SLC10A1: variants seen among roughly 807,000 people sequenced by gnomAD.
SLC10A1 encodes the protein solute carrier family 10 member 1, also known as hepatic sodium/bile acid cotransporter.
SLC10A1 carries 36 observed loss-of-function variants against 20.5 expected under a neutral mutation model. That is an observed-to-expected ratio of 1.75 (90% confidence interval 1.34 to 2.32). SLC10A1 has a LOEUF of 2.32. SLC10A1 is among the 30% of genes most tolerant of loss of function. The pLI, the probability that SLC10A1 is intolerant of heterozygous loss-of-function variation, is 0.00. For synonymous variants in SLC10A1, 188 were observed against 163.6 expected (o/e 1.15, Z -1.14); for missense variants, 545 against 439.1 (o/e 1.24, Z -2.16).
chr14:69,796,879 T>A lies in SLC10A1; in HGVS notation c.277A>T (p.Ile93Phe). ...FRLKNIEALA[I>F]LVCGCSPGGN... Reference sequence around the variant, plus strand: ...CCAGGTGAGCAGCCACAGACCAAGATGGCCAGTGCCTCAATGTTCTTCAGC... The same window carrying A: ...CCAGGTGAGCAGCCACAGACCAAGAAGGCCAGTGCCTCAATGTTCTTCAGC... The change falls in exon 1 of 5, where the codon ATC (isoleucine) becomes TTC (phenylalanine). Residue 93 changes from isoleucine to phenylalanine, a missense_variant. By Grantham distance (21) the Ile-to-Phe change is conservative. Transcript: ENST00000216540. 1 of 1,614,228 alleles carries A rather than the reference T, an allele frequency of 6.2e-7. No homozygotes were observed. Among genetic ancestry groups the A allele is most frequent in the African/African-American group, 1.3e-5 (1 of 75,064 alleles).
chr14:69,786,176 AG>A lies in SLC10A1; in HGVS notation c.487del (p.Leu163TrpfsTer10), dbSNP rs1172279960. 1 of 1,614,140 alleles carries A rather than the reference AG, an allele frequency of 6.2e-7. No individual in the cohort carries two copies. The highest frequency in any genetic ancestry group is 1.7e-5 in the Admixed American group (1 of 60,014). On this transcript the variant is annotated frameshift_variant, in exon 2 of 5. Transcript: ENST00000216540. LOFTEE classifies it high-confidence loss of function. ...KVPYKGIVIS[L>X]VLVLIPCTIG... ...GGTGCAAGGAATGAGAACCAGGACC[AG>A]TGATATCACGATGCCTTTATAGGGC...
At chr14:69,780,063 A>G (rs925016508) in intron 2 of SLC10A1, among the ~76,000 whole-genome samples, 1 of 152,222 alleles carries the variant, frequency 6.6e-6, no homozygotes, top group African/African-American at 2.4e-5. Context: ...TACGGTTTTA[A>G]ACCCAAAATG....
intron 1 of SLC10A1, among the ~76,000 whole-genome samples, chr14:69,786,694 C>G (rs1011992231): frequency 1.3e-5 from 2 of 152,198 alleles, no homozygotes; most frequent in Non-Finnish European, 2.9e-5. Context: ...CTGTGTGATT[C>G]CATTACTCTG....
intron 2 of SLC10A1, among the ~76,000 whole-genome samples, chr14:69,780,250 C>G (rs1369178454): frequency 6.6e-6 from 1 of 152,188 alleles, no homozygotes; most frequent in East Asian, 1.9e-4. Context: ...TAGGATGCAA[C>G]CTTTCAAAGT....
rs200696891 is a variant in SLC10A1, at chr14:69,776,165, A to C, written c.*117T>G. On this transcript the variant is annotated 3_prime_UTR_variant, in exon 5 of 5. Transcript: ENST00000216540. ...AAGACTTGATGATTCTGATAGATGT[A>C]CTGGAAATGCTGGAGAAAGACTCAG... 6.8e-6 allele frequency: 5 copies of C among 730,996 alleles called. No homozygotes were observed. The highest frequency in any genetic ancestry group is 1.2e-5 in the Non-Finnish European group (5 of 422,008). The allele number at this position is 730,996 out of a possible 1,614,324, so 45.3% of individuals were successfully genotyped here.
intron 2 of SLC10A1, among the ~76,000 whole-genome samples, chr14:69,781,741 T>C (rs928099446): frequency 2.6e-5 from 4 of 152,220 alleles, no homozygotes; most frequent in Non-Finnish European, 5.9e-5. Context: ...TCATCACCCT[T>C]TTAGCCACAT....
In SLC10A1 at chr14:69,779,274, C is replaced by T. The variant is rs1883530419; in HGVS notation, c.654G>A (p.Met218Ile). 1 of 1,613,790 alleles carries T rather than the reference C, an allele frequency of 6.2e-7. No individual in the cohort carries two copies. Among genetic ancestry groups the T allele is most frequent in the Non-Finnish European group, 8.5e-7 (1 of 1,179,950 alleles). The change falls in exon 3 of 5, where the codon ATG (methionine) becomes ATA (isoleucine). Residue 218 changes from methionine (M) to isoleucine (I), a missense_variant. Coordinates refer to ENST00000216540, the MANE Select transcript of SLC10A1 (RefSeq NM_003049.4). ...AGGAGGTGGCAATCAAGAGTGGTGT[C>T]ATGGCAAACATGATGCTCTTCCCCA... is the stretch of plus-strand genomic sequence containing the variant. ...INVGKSIMFA[M>I]TPLLIATSSL...
chr14:69,786,042 G>T, intron 2 of SLC10A1, 55 bp downstream of exon 2: 1 of 1,214,542 alleles, frequency 8.2e-7, no homozygotes, highest in Non-Finnish European at 1.2e-6. Context: ...TCTTATAGTT[G>T]TATATGGTGT....
chr14:69,777,817 C>T (rs1030523452), intron 4 of SLC10A1, among the ~76,000 whole-genome samples: 6 of 150,582 alleles, frequency 4.0e-5, no homozygotes, highest in Non-Finnish European at 7.4e-5. Context: ...TCCTTTACTG[C>T]GTAACTAGAG....
chr14:69,789,378 A>G (rs765415636), intron 1 of SLC10A1, among the ~76,000 whole-genome samples: 14 of 152,256 alleles, frequency 9.2e-5, no homozygotes, highest in Non-Finnish European at 1.9e-4. Context: ...TTCAATTACA[A>G]AAACAAATGA....
intron 2 of SLC10A1, among the ~76,000 whole-genome samples, chr14:69,782,992 G>A (rs1259991624): frequency 2.6e-5 from 4 of 152,184 alleles, no homozygotes; most frequent in Non-Finnish European, 5.9e-5. Context: ...AGCATTAAAT[G>A]ATAGCAGTGG....
chr14:69,783,231 G>C lies in SLC10A1; in HGVS notation c.567+2866C>G, dbSNP rs192088710. On this transcript the variant is annotated intron_variant, in intron 2 of 4. Transcript: ENST00000216540. ...TTCCTTTATTTATTCTCAGGCATTA[G>C]CTATGGGGGCACTGTGATAGGTGCT... Among the ~76,000 whole-genome samples the C allele has an allele frequency of 6.6e-5, 10 of 152,264 alleles. No individual in the cohort carries two copies. The East Asian group carries it at 1.2e-3, about 18-fold the overall frequency.
At position 69,775,587 on chromosome 14, in the gene SLC10A1, GATT is replaced by G. The variant is rs1883428190; in HGVS notation, c.*692_*694del. The G allele has an allele frequency of 6.6e-6, 1 of 152,200 alleles. No homozygotes were observed. Among genetic ancestry groups the G allele is most frequent in the Non-Finnish European group, 1.5e-5 (1 of 68,042 alleles). The allele number at this position is 152,200 out of a possible 1,614,324, so 9.4% of individuals were successfully genotyped here. A position where few individuals can be genotyped will look rare whatever the true frequency, so the allele number is the denominator to read the frequency against. On this transcript the variant is annotated 3_prime_UTR_variant, in exon 5 of 5. Coordinates refer to ENST00000216540, the MANE Select transcript of SLC10A1 (RefSeq NM_003049.4). ...AAATACCTACTGAACTTAAAAAAGAGATTATTAGTGAGGTAACATTGTGTTAAT... is the reference window on the plus strand; with the variant it reads ...AAATACCTACTGAACTTAAAAAAGAGATTAGTGAGGTAACATTGTGTTAAT...
At chr14:69,783,839 A>G (rs913404003) in intron 2 of SLC10A1, among the ~76,000 whole-genome samples, 33 of 152,174 alleles carry the variant, frequency 2.2e-4, no homozygotes, top group African/African-American at 7.5e-4. Context: ...CATTGATTAG[A>G]TGGGTGTGAG....
chr14:69,782,269 C>A (rs971320690), intron 2 of SLC10A1, among the ~76,000 whole-genome samples: 2 of 152,104 alleles, frequency 1.3e-5, no homozygotes, highest in African/African-American at 4.8e-5. Flanking sequence ...TTATGTAGTC[C>A]CTTATTACTA....
chr14:69,793,365 C>T (rs777200734), intron 1 of SLC10A1, among the ~76,000 whole-genome samples: 2 of 152,132 alleles, frequency 1.3e-5, no homozygotes, highest in African/African-American at 4.8e-5. Flanking sequence ...TTTTCAGACT[C>T]TAGATTCCTG....
chr14:69,783,410 C>T (rs909208269), intron 2 of SLC10A1, among the ~76,000 whole-genome samples: 14 of 152,164 alleles, frequency 9.2e-5, no homozygotes, highest in African/African-American at 3.4e-4. Context: ...GGACAAGCAT[C>T]TTACTCAGGC....
intron 2 of SLC10A1, among the ~76,000 whole-genome samples, chr14:69,779,681 G>GT (rs1883544433): frequency 2.0e-5 from 3 of 152,104 alleles, no homozygotes; most frequent in Admixed American, 2.0e-4. Context: ...TTTAGATTTC[G>GT]TATCAGTAGC....
At chr14:69,785,098 G>A (rs1179608784) in intron 2 of SLC10A1, among the ~76,000 whole-genome samples, 1 of 152,126 alleles carries the variant, frequency 6.6e-6, no homozygotes, top group African/African-American at 2.4e-5. Flanking sequence ...AGGTCAGGAG[G>A]TCAAGTCCTT....
Sources: allele counts gnomAD v4.1 joint callset (sites outside exome capture counted in the v4.1 genomes callset), GRCh38; gene constraint gnomAD v4.1.1; transcripts MANE v1.5; gene names NCBI Gene and HGNC (gene_info 2026-07-23, HGNC 2026-07-21).